C1GALT1: variants seen among roughly 807,000 people sequenced by gnomAD.
The protein encoded by C1GALT1 is core 1 synthase, glycoprotein-N-acetylgalactosamine 3-beta-galactosyltransferase 1.
C1GALT1 carries 11 observed loss-of-function variants against 31.0 expected under a neutral mutation model. The ratio of observed to expected loss-of-function variants is 0.36; its 90% confidence interval spans 0.22 to 0.59. C1GALT1 has a LOEUF of 0.59. Ranked by LOEUF, C1GALT1 falls within the 20% of genes least tolerant of loss-of-function variation. The probability of loss-of-function intolerance (pLI) is 0.79; values close to 1 mark genes in which losing one functional copy is unlikely to be tolerated. For missense variants in C1GALT1, 424 were observed against 425.2 expected (o/e 1.00, Z 0.03); for synonymous variants, 175 against 143.6 (o/e 1.22, Z -1.56).
chr7:7,223,400 A>G (rs924711898), intron 1 of C1GALT1, among the ~76,000 whole-genome samples: 57 of 152,156 alleles, frequency 3.7e-4, no homozygotes, highest in African/African-American at 1.1e-3. Context: ...TGACCTCAAG[A>G]GATTCTCCCA....
chr7:7,162,734 A>G (rs1780348837), intron 2 of C1GALT1, among the ~76,000 whole-genome samples: 1 of 152,068 alleles, frequency 6.6e-6, no homozygotes, highest in Non-Finnish European at 1.5e-5. Context: ...TCCCACCAAC[A>G]GTGTAAAAGT....
At chr7:7,241,135 TC>T (rs1419118711) in intron 3 of C1GALT1, among the ~76,000 whole-genome samples, 1 of 152,006 alleles carries the variant, frequency 6.6e-6, no homozygotes, top group Non-Finnish European at 1.5e-5. Context: ...AATTGACTTT[TC>T]TGTAGGTCAG....
chr7:7,168,685 A>G (rs1382036447), intron 2 of C1GALT1, among the ~76,000 whole-genome samples: 2 of 152,214 alleles, frequency 1.3e-5, no homozygotes, highest in African/African-American at 4.8e-5. Context: ...AAAATGTGGT[A>G]TTTTTAAAAA....
chr7:7,243,413 A>G (rs575516600), intron 3 of C1GALT1, 111 bp from the exon 4 acceptor site: 14 of 876,590 alleles, frequency 1.6e-5, no homozygotes, highest in Admixed American at 5.4e-5. Context: ...TTACCTTGCC[A>G]TCTTTAATGT....
intron 1 of C1GALT1, among the ~76,000 whole-genome samples, chr7:7,185,675 T>C (rs1354983754): frequency 1.3e-5 from 2 of 152,210 alleles, no homozygotes; most frequent in Non-Finnish European, 2.9e-5. Flanking sequence ...ACTAGTCGTA[T>C]TGGATTAAGA....
chr7:7,231,373 A>C (rs539929437), intron 1 of C1GALT1, among the ~76,000 whole-genome samples: 1 of 152,160 alleles, frequency 6.6e-6, no homozygotes, highest in African/African-American at 2.4e-5. Flanking sequence ...AGTTTCGGAA[A>C]ATATTCAGTC....
At chr7:7,183,252 C>T (rs1780667190) in intron 1 of C1GALT1, among the ~76,000 whole-genome samples, 2 of 152,062 alleles carry the variant, frequency 1.3e-5, no homozygotes, top group South Asian at 4.1e-4. Context: ...CCGCCGCAGA[C>T]CTGTGGGTCC....
At chr7:7,198,978 A>G (rs532391934) in intron 1 of C1GALT1, among the ~76,000 whole-genome samples, 2 of 152,266 alleles carry the variant, frequency 1.3e-5, no homozygotes, top group African/African-American at 2.4e-5. Context: ...ATCTTTTCAA[A>G]AAACCAGCTC....
Position 7,238,614 on chromosome 7 carries a change from T to G in C1GALT1, c.580T>G (p.Phe194Val). 2 of 1,614,072 alleles carry G rather than the reference T, an allele frequency of 1.2e-6. No individual in the cohort carries two copies. The highest frequency in any genetic ancestry group is 1.7e-6 in the Non-Finnish European group (2 of 1,179,956). ...ATACGACCCTGAAGAACCCATTTAC[T>G]TTGGGAGAAGATTTAAGCCTTATGT... ...SKYDPEEPIY[F>V]GRRFKPYVKQ... The change falls in exon 3 of 4, where the codon TTT becomes GTT. Residue 194 changes from phenylalanine (F) to valine (V), a missense_variant. Transcript: ENST00000436587. This position sits in a 1 kb window ranked among gnomAD's most constrained non-coding sequence, Gnocchi z 5.2.
At chr7:7,221,985 A>C (rs1276880591) in intron 1 of C1GALT1, among the ~76,000 whole-genome samples, 1 of 152,202 alleles carries the variant, frequency 6.6e-6, no homozygotes, top group Admixed American at 6.5e-5. Context: ...AACTACCCTG[A>C]GGGACTGAGC....
chr7:7,162,352 G>A lies in C1GALT1; in HGVS notation c.-18+4926G>A, dbSNP rs1490444581. Among the ~76,000 whole-genome samples, 5 of 144,750 alleles carry A rather than the reference G, an allele frequency of 3.5e-5. No individual in the cohort carries two copies. In the East Asian group the frequency reaches 8.4e-4, roughly 24 times the overall value. The allele number at this position is 144,750 out of a possible 152,430, so 95.0% of individuals were successfully genotyped here. ...CATTGTTCAATTCCCATCTATGAGTGAGAACATGTGGTGTTTGGTTTTTTG... is the reference window on the plus strand; with the variant it reads ...CATTGTTCAATTCCCATCTATGAGTAAGAACATGTGGTGTTTGGTTTTTTG... On this transcript the variant is annotated intron_variant, in intron 2 of 3. Transcript: ENST00000429911.
At chr7:7,167,487 C>T (rs561316842) in intron 2 of C1GALT1, among the ~76,000 whole-genome samples, 1 of 152,076 alleles carries the variant, frequency 6.6e-6, no homozygotes, top group African/African-American at 2.4e-5. Context: ...GATAAATCTC[C>T]CATGTTTATT....
intron 1 of C1GALT1, chr7:7,209,693 G>GTA (rs1203811780): frequency 2.6e-5 from 4 of 152,326 alleles, no homozygotes; most frequent in African/African-American, 7.2e-5. Context: ...TGATAAAGCA[G>GTA]TATAATTTTC....
chr7:7,205,762 T>A (rs1781713097), intron 1 of C1GALT1, among the ~76,000 whole-genome samples: 1 of 152,200 alleles, frequency 6.6e-6, no homozygotes, highest in African/African-American at 2.4e-5. Context: ...ATGGAATATC[T>A]TTTTTTCATG....
chr7:7,230,120 T>C (rs1330465681), intron 1 of C1GALT1, among the ~76,000 whole-genome samples: 1 of 152,202 alleles, frequency 6.6e-6, no homozygotes, highest in Non-Finnish European at 1.5e-5. Context: ...AGATATATAA[T>C]GCAGCATAAG....
Position 7,208,963 on chromosome 7 carries a change from T to C in C1GALT1, c.-17-25340T>C, listed in dbSNP as rs146855393. On this transcript the variant is annotated intron_variant, in intron 1 of 3. Transcript: ENST00000436587. Reference sequence around the variant, plus strand: ...TCAGTATACTTTGAGAGCTTCATAATAGTTGTATGAGATAGATTCTACCAG... The same window carrying C: ...TCAGTATACTTTGAGAGCTTCATAACAGTTGTATGAGATAGATTCTACCAG... Among the ~76,000 whole-genome samples, 142 of 152,342 alleles carry C rather than the reference T, an allele frequency of 9.3e-4. 1 individual carries two copies. Among genetic ancestry groups the C allele is most frequent in the African/African-American group, 3.3e-3 (137 of 41,572 alleles).
At chr7:7,197,836 CTCTG>C (rs1398734354) in intron 1 of C1GALT1, among the ~76,000 whole-genome samples, 3 of 152,038 alleles carry the variant, frequency 2.0e-5, no homozygotes, top group Admixed American at 2.0e-4. Flanking sequence ...TGATTTGGCT[CTCTG>C]TCTGTTATTG....
At chr7:7,233,742 G>C (rs1298224487) in intron 1 of C1GALT1, among the ~76,000 whole-genome samples, 2 of 152,198 alleles carry the variant, frequency 1.3e-5, no homozygotes, top group African/African-American at 4.8e-5. Flanking sequence ...TAGCAGGCCA[G>C]GTTTGGTCCA....
In C1GALT1 at chr7:7,238,681, G is replaced by A; in HGVS notation, c.647G>A (p.Ser216Asn). 6.2e-7 allele frequency: 1 copy of A among 1,614,072 alleles called. No homozygotes were observed. The highest frequency in any genetic ancestry group is 2.2e-5 in the East Asian group (1 of 44,862). Reference protein sequence around the residue: ...YMSGGAGYVLSKEALKRFVDA... With the variant: ...YMSGGAGYVLNKEALKRFVDA... ...AGTGGAGGAGCAGGATATGTACTAAGCAAAGAAGCCTTGAAAAGATTTGTT... is the reference window on the plus strand; with the variant it reads ...AGTGGAGGAGCAGGATATGTACTAAACAAAGAAGCCTTGAAAAGATTTGTT... The change falls in exon 3 of 4, where the codon AGC becomes AAC. Residue 216 changes from serine to asparagine, a missense_variant. By Grantham distance (46) the Ser-to-Asn change is conservative (BLOSUM62 1). Coordinates refer to ENST00000436587, the MANE Select transcript of C1GALT1 (RefSeq NM_020156.5). The surrounding 1 kb of genome is among the most constrained non-coding windows in gnomAD (Gnocchi z 5.2).
Sources: allele counts gnomAD v4.1 joint callset (sites outside exome capture counted in the v4.1 genomes callset), GRCh38; gene constraint gnomAD v4.1.1; non-coding constraint Gnocchi (gnomAD v3.1); transcripts MANE v1.5; gene names NCBI Gene and HGNC (gene_info 2026-07-23, HGNC 2026-07-21).